GPR39: variants seen among roughly 807,000 people sequenced by gnomAD.
GPR39 encodes G protein-coupled receptor 39.
In GPR39, 23 loss-of-function variants were observed where a neutral mutation model predicts 18.4. The ratio of observed to expected loss-of-function variants is 1.25; its 90% confidence interval spans 0.90 to 1.77. The LOEUF is 1.77. Among genes scored for constraint, GPR39 ranks in the 40% most tolerant of loss-of-function variants. The pLI is 0.00. For synonymous variants in GPR39, 280 were observed against 257.9 expected (o/e 1.09, Z -0.82); for missense variants, 647 against 602.4 (o/e 1.07, Z -0.78).
intron 1 of GPR39, among the ~76,000 whole-genome samples, chr2:132,570,476 T>C (rs1023960368): frequency 6.6e-6 from 1 of 152,118 alleles, no homozygotes; most frequent in Non-Finnish European, 1.5e-5. Context: ...TTTTCAGGAG[T>C]CTTGCTGATC....
chr2:132,536,967 C>T (rs974491411), intron 1 of GPR39, among the ~76,000 whole-genome samples: 1 of 152,156 alleles, frequency 6.6e-6, no homozygotes, highest in Admixed American at 6.5e-5. Flanking sequence ...TGTGTCCCTG[C>T]ATGTGAGATG....
intron 1 of GPR39, among the ~76,000 whole-genome samples, chr2:132,548,233 G>A (rs914711596): frequency 2.6e-5 from 4 of 152,076 alleles, no homozygotes; most frequent in Admixed American, 1.3e-4. Context: ...GGTGCTGCTC[G>A]TGCTGAAGTG....
rs144404121 is a variant in GPR39, at chr2:132,560,134, C to T, written c.857-84967C>T. On this transcript the variant is annotated intron_variant, in intron 1 of 1. Transcript: ENST00000329321. ...CTCTCTTTCCCAATCCAAATAGCAGCAACATCCTCAACCTCCAACCGCCCA... is the reference window on the plus strand; with the variant it reads ...CTCTCTTTCCCAATCCAAATAGCAGTAACATCCTCAACCTCCAACCGCCCA... Among the ~76,000 whole-genome samples the T allele has an allele frequency of 1.3e-3, 197 of 152,292 alleles. 3 individuals carry two copies. The highest frequency in any genetic ancestry group is 4.3e-3 in the African/African-American group (179 of 41,568).
At chr2:132,507,372 G>A (rs371965547) in intron 1 of GPR39, among the ~76,000 whole-genome samples, 1 of 152,186 alleles carries the variant, frequency 6.6e-6, no homozygotes, top group South Asian at 2.1e-4. Flanking sequence ...GTCCTGCTAC[G>A]TGGTGGGGCA....
intron 1 of GPR39, among the ~76,000 whole-genome samples, chr2:132,609,603 A>C (rs1162576186): frequency 3.9e-5 from 6 of 152,148 alleles, no homozygotes; most frequent in Admixed American, 3.9e-4. Flanking sequence ...GCTTCTGATG[A>C]TATATTGAAT....
intron 1 of GPR39, among the ~76,000 whole-genome samples, chr2:132,443,810 C>T (rs969628572): frequency 6.6e-6 from 1 of 152,026 alleles, no homozygotes; most frequent in Admixed American, 6.5e-5. Flanking sequence ...TGGCTCAAGC[C>T]TGTAATCCCA....
intron 1 of GPR39, among the ~76,000 whole-genome samples, chr2:132,527,973 C>T (rs1679544038): frequency 6.6e-6 from 1 of 152,070 alleles, no homozygotes; most frequent in Non-Finnish European, 1.5e-5. Flanking sequence ...GTTACCATTG[C>T]TTTTGGTGTT....
intron 1 of GPR39, among the ~76,000 whole-genome samples, chr2:132,557,989 G>A (rs1013095897): frequency 1.3e-5 from 2 of 151,910 alleles, no homozygotes; most frequent in African/African-American, 4.8e-5. Context: ...TGGTGGTGGT[G>A]GTGGGGTGGG....
At chr2:132,462,879 A>G (rs1680859514) in intron 1 of GPR39, among the ~76,000 whole-genome samples, 1 of 152,252 alleles carries the variant, frequency 6.6e-6, no homozygotes, top group South Asian at 2.1e-4. Flanking sequence ...TATATATGCT[A>G]TGTAGGTACA....
At chr2:132,617,152 G>A (rs1481528208) in intron 1 of GPR39, among the ~76,000 whole-genome samples, 2 of 151,810 alleles carry the variant, frequency 1.3e-5, no homozygotes, top group Non-Finnish European at 2.9e-5. Context: ...AGTGTTTAAT[G>A]TCTTCTGATG....
intron 1 of GPR39, among the ~76,000 whole-genome samples, chr2:132,442,142 T>C (rs1432209015): frequency 1.3e-5 from 2 of 152,180 alleles, no homozygotes; most frequent in African/African-American, 4.8e-5. Flanking sequence ...CCAACCACTT[T>C]TTCCTTCCCT....
intron 1 of GPR39, among the ~76,000 whole-genome samples, chr2:132,491,077 T>G (rs185775727): frequency 1.3e-5 from 2 of 152,290 alleles, no homozygotes; most frequent in African/African-American, 4.8e-5. Flanking sequence ...CTTTTTTTTC[T>G]CACTGAACTG....
intron 1 of GPR39, among the ~76,000 whole-genome samples, chr2:132,427,474 T>TG (rs1357596633): frequency 6.6e-6 from 1 of 150,758 alleles, no homozygotes; most frequent in Non-Finnish European, 1.5e-5. Context: ...CTTTACATAT[T>TG]CTATTCTATT....
intron 1 of GPR39, among the ~76,000 whole-genome samples, chr2:132,454,212 A>G (rs7587093): frequency 0.8 from 121,926 of 152,056 alleles, 49,692 homozygotes; most frequent in Non-Finnish European, 0.87. Context: ...TTGTAAATTG[A>G]ATTCCTAGGT....
chr2:132,586,920 CATCAGA>C (rs903129904), intron 1 of GPR39, among the ~76,000 whole-genome samples: 2 of 152,126 alleles, frequency 1.3e-5, no homozygotes, highest in Admixed American at 6.5e-5. Flanking sequence ...GGTTGATGTC[CATCAGA>C]AAATATCTCT....
At chr2:132,628,599 A>T (rs150014947) in intron 1 of GPR39, among the ~76,000 whole-genome samples, 15 of 152,294 alleles carry the variant, frequency 9.8e-5, no homozygotes, top group African/African-American at 3.6e-4. Context: ...GGGAAAGAGG[A>T]TAACTGTTTT....
chr2:132,536,442 A>T (rs545769474), intron 1 of GPR39, among the ~76,000 whole-genome samples: 1 of 152,152 alleles, frequency 6.6e-6, no homozygotes, highest in Non-Finnish European at 1.5e-5. Flanking sequence ...ACTGTTTGTT[A>T]TAATTTCTGT....
intron 1 of GPR39, among the ~76,000 whole-genome samples, chr2:132,585,701 C>T (rs190113128): frequency 2.0e-5 from 3 of 151,854 alleles, no homozygotes; most frequent in Admixed American, 2.0e-4. Flanking sequence ...GCAAGGGGGG[C>T]GCAGTTTGCG....
At chr2:132,448,620 G>A (rs1032551788) in intron 1 of GPR39, among the ~76,000 whole-genome samples, 1 of 152,138 alleles carries the variant, frequency 6.6e-6, no homozygotes. Context: ...TTGTTTCTGT[G>A]TCACATCTTT....
Sources: gnomAD v4.1 joint callset for allele counts (sites outside exome capture counted in the v4.1 genomes callset) on GRCh38, gnomAD v4.1.1 for gene constraint, MANE v1.5 for transcripts, NCBI Gene and HGNC (gene_info 2026-07-23, HGNC 2026-07-21) for gene names.